Variants in AUTS2 observed in about 807,000 individuals in gnomAD.
AUTS2 encodes the protein activator of transcription and developmental regulator AUTS2.
In AUTS2, 17 loss-of-function variants were observed where a neutral mutation model predicts 112.4. That is an observed-to-expected ratio of 0.15 (90% CI 0.10 to 0.23). AUTS2 has a LOEUF of 0.23. Among genes scored for constraint, AUTS2 ranks in the 10% least tolerant of loss-of-function variants. The pLI is 1.00. For missense variants in AUTS2, 1,510 were observed against 1,701.6 expected, an observed-to-expected ratio of 0.89 and a Z score of 1.98; for synonymous variants, 751 against 702.7, an observed-to-expected ratio of 1.07 and a Z score of -1.09.
chr7:69,861,072 TG>T (rs1409718739), intron 1 of AUTS2, among the ~76,000 whole-genome samples: 3 of 152,014 alleles, frequency 2.0e-5, no homozygotes, highest in Admixed American at 1.3e-4. Context: ...AAAAAATAGC[TG>T]ATTCCCAGGC....
chr7:70,686,514 G>A (rs1808480604), intron 5 of AUTS2, among the ~76,000 whole-genome samples: 3 of 151,968 alleles, frequency 2.0e-5, no homozygotes, highest in African/African-American at 7.3e-5. Context: ...GAAATGGCTG[G>A]CACCTGTTTA....
chr7:70,690,711 C>A (rs377572064), intron 5 of AUTS2, among the ~76,000 whole-genome samples: 2 of 152,024 alleles, frequency 1.3e-5, no homozygotes, highest in Non-Finnish European at 2.9e-5. Flanking sequence ...GCCTGTAATC[C>A]CAGTACTTTG....
At chr7:69,630,909 A>G (rs1794199812) in intron 1 of AUTS2, among the ~76,000 whole-genome samples, 1 of 151,790 alleles carries the variant, frequency 6.6e-6, no homozygotes, top group South Asian at 2.1e-4. Flanking sequence ...TGTATTTTCT[A>G]TCCACCCATT....
chr7:69,820,818 G>A (rs1790957080), intron 1 of AUTS2, among the ~76,000 whole-genome samples: 1 of 152,134 alleles, frequency 6.6e-6, no homozygotes. Context: ...TAAGTGTAGT[G>A]AAAACACACA....
At chr7:70,571,951 CTG>C (rs1385473101) in intron 5 of AUTS2, among the ~76,000 whole-genome samples, 6 of 152,178 alleles carry the variant, frequency 3.9e-5, no homozygotes, top group Non-Finnish European at 5.9e-5. Context: ...GTATTAATGA[CTG>C]TGTGTTCCAC....
chr7:70,239,649 G>C (rs1186896618), intron 4 of AUTS2, among the ~76,000 whole-genome samples: 2 of 152,048 alleles, frequency 1.3e-5, no homozygotes, highest in Non-Finnish European at 2.9e-5. Flanking sequence ...TGGCCAGGCT[G>C]GTCTTGAACT....
chr7:70,327,617 A>G (rs1203172618), intron 4 of AUTS2, among the ~76,000 whole-genome samples: 1 of 152,164 alleles, frequency 6.6e-6, no homozygotes. Context: ...TTCTTTCTTA[A>G]TAAGATGCAC....
intron 2 of AUTS2, among the ~76,000 whole-genome samples, chr7:70,109,204 A>AT (rs1804941209): frequency 6.6e-6 from 1 of 152,162 alleles, no homozygotes; most frequent in Non-Finnish European, 1.5e-5. Flanking sequence ...TTGTGTGTTT[A>AT]TTTTTTATAT....
At chr7:70,541,731 A>T (rs1190057126) in intron 5 of AUTS2, among the ~76,000 whole-genome samples, 1 of 152,220 alleles carries the variant, frequency 6.6e-6, no homozygotes, top group African/African-American at 2.4e-5. Context: ...TTTCCAATCC[A>T]GGGTGACAGC....
chr7:70,459,012 C>T (rs1283013402), intron 5 of AUTS2, among the ~76,000 whole-genome samples: 1 of 152,202 alleles, frequency 6.6e-6, no homozygotes, highest in Non-Finnish European at 1.5e-5. Flanking sequence ...ACAGTCCACA[C>T]ATAGGATGGC....
At chr7:70,133,477 T>C (rs1806382880) in intron 3 of AUTS2, among the ~76,000 whole-genome samples, 1 of 152,162 alleles carries the variant, frequency 6.6e-6, no homozygotes. Flanking sequence ...GTCTGAAGTT[T>C]CCAGAGTAGG....
chr7:70,709,825 C>T (rs1479066752), intron 6 of AUTS2, among the ~76,000 whole-genome samples: 1 of 152,184 alleles, frequency 6.6e-6, no homozygotes, highest in African/African-American at 2.4e-5. Flanking sequence ...CATTCAAAAG[C>T]AGTAGTGCCT....
chr7:69,656,505 T>C (rs1795546814), intron 1 of AUTS2, among the ~76,000 whole-genome samples: 1 of 152,244 alleles, frequency 6.6e-6, no homozygotes, highest in Admixed American at 6.5e-5. Context: ...ATCATTCCTT[T>C]TATTTTACAA....
chr7:70,706,804 G>T (rs901978840), intron 6 of AUTS2, among the ~76,000 whole-genome samples: 6 of 152,224 alleles, frequency 3.9e-5, no homozygotes, highest in African/African-American at 1.4e-4. Flanking sequence ...AAGAATAATT[G>T]TTGGACTGGC....
intron 1 of AUTS2, among the ~76,000 whole-genome samples, chr7:69,679,783 T>C (rs1009018678): frequency 2.6e-5 from 4 of 152,366 alleles, no homozygotes; most frequent in African/African-American, 9.6e-5. Flanking sequence ...CAAATGTCAG[T>C]TACATACATC....
At chr7:69,839,503 C>A (rs1464884665) in intron 1 of AUTS2, among the ~76,000 whole-genome samples, 1 of 152,046 alleles carries the variant, frequency 6.6e-6, no homozygotes, top group Non-Finnish European at 1.5e-5. Context: ...TATAATAGGA[C>A]CTTATTTTAT....
At chr7:70,016,648 G>T (rs1800040420) in intron 2 of AUTS2, among the ~76,000 whole-genome samples, 1 of 151,766 alleles carries the variant, frequency 6.6e-6, no homozygotes, top group Admixed American at 6.6e-5. Context: ...AAGGGAGAAG[G>T]TTGCACAATG....
At chr7:69,887,432 A>AAAAT (rs1794327515) in intron 1 of AUTS2, among the ~76,000 whole-genome samples, 1 of 151,664 alleles carries the variant, frequency 6.6e-6, no homozygotes, top group Non-Finnish European at 1.5e-5. Context: ...AAAAAAAAAA[A>AAAAT]AAGTAATGGA....
intron 5 of AUTS2, among the ~76,000 whole-genome samples, chr7:70,592,654 C>T (rs1024468109): frequency 2.0e-5 from 3 of 151,998 alleles, no homozygotes; most frequent in Non-Finnish European, 2.9e-5. Flanking sequence ...TGAGCTACCA[C>T]GTCCACTGCC....
Sources: gnomAD v4.1 joint callset for allele counts (sites outside exome capture counted in the v4.1 genomes callset) on GRCh38, gnomAD v4.1.1 for gene constraint, MANE v1.5 for transcripts, NCBI Gene and HGNC (gene_info 2026-07-23, HGNC 2026-07-21) for gene names.